C10orf143: variants seen among roughly 807,000 people sequenced by gnomAD.
C10orf143 encodes the protein chromosome 10 open reading frame 143.
At chr10:130,037,334 C>T (rs1860555811) in intron 3 of C10orf143, among the ~76,000 whole-genome samples, 1 of 152,218 alleles carries the variant, frequency 6.6e-6, no homozygotes, top group Non-Finnish European at 1.5e-5. Flanking sequence ...TTACTTACCC[C>T]AGTAACACTG....
intron 3 of C10orf143, among the ~76,000 whole-genome samples, chr10:130,048,450 C>A (rs1245528729): frequency 1.3e-5 from 2 of 152,170 alleles, no homozygotes; most frequent in Non-Finnish European, 2.9e-5. Context: ...TGGCTGGATA[C>A]ACACTCGCCT....
At chr10:130,088,376 C>T (rs1861326985) in intron 1 of C10orf143, among the ~76,000 whole-genome samples, 2 of 152,010 alleles carry the variant, frequency 1.3e-5, no homozygotes, top group African/African-American at 4.8e-5. Flanking sequence ...AAGAGCGAAA[C>T]TCCATTTCAA....
At chr10:130,106,998 C>G (rs1861661108) in intron 1 of C10orf143, 1 of 1,106,236 alleles carries the variant, frequency 9.0e-7, no homozygotes, top group Non-Finnish European at 1.4e-6. Flanking sequence ...ATTCATGCTA[C>G]TAAGTTAAAT....
chr10:130,044,336 T>C (rs1335193150), intron 3 of C10orf143, among the ~76,000 whole-genome samples: 1 of 152,122 alleles, frequency 6.6e-6, no homozygotes, highest in African/African-American at 2.4e-5. Flanking sequence ...CGGATGTGGC[T>C]GGAGGAGGAA....
chr10:130,097,673 T>C (rs1031009436), intron 1 of C10orf143, among the ~76,000 whole-genome samples: 1 of 152,142 alleles, frequency 6.6e-6, no homozygotes, highest in Non-Finnish European at 1.5e-5. Flanking sequence ...ATAACCAAAA[T>C]GAATGGATAA....
chr10:130,051,571 A>G (rs1188849588), intron 3 of C10orf143, among the ~76,000 whole-genome samples: 1 of 8,284 alleles, frequency 1.2e-4, no homozygotes, highest in Admixed American at 1.5e-3. Flanking sequence ...TCCCGCCCCC[A>G]CCTAGTTAAG....
intron 3 of C10orf143, among the ~76,000 whole-genome samples, chr10:130,057,657 G>C (rs1860810804): frequency 6.6e-6 from 1 of 152,182 alleles, no homozygotes; most frequent in South Asian, 2.1e-4. Flanking sequence ...CTTCACAACA[G>C]GGTCAGCATG....
chr10:130,108,201 C>T lies in C10orf143; in HGVS notation c.69+2503G>A, dbSNP rs552668092. 208 of 1,561,540 alleles carry T rather than the reference C, an allele frequency of 1.3e-4. 1 individual carries two copies. In the African/African-American group the frequency reaches 2.4e-3, roughly 18 times the overall value. ...ATGAGAAGAGCACCTCCTTTCCCCC[C>T]ACCTCCTCCAGGAACCAGGTTTGGA... On this transcript the variant is annotated intron_variant, in intron 1 of 3. Transcript: ENST00000637128.
intron 3 of C10orf143, among the ~76,000 whole-genome samples, chr10:130,072,481 G>A (rs865942085): frequency 6.6e-6 from 1 of 151,952 alleles, no homozygotes; most frequent in Admixed American, 6.6e-5. Context: ...GATTTATCCA[G>A]CTCTATCTTC....
chr10:130,098,343 ACT>A (rs942973772), intron 1 of C10orf143, among the ~76,000 whole-genome samples: 4 of 152,166 alleles, frequency 2.6e-5, no homozygotes, highest in Non-Finnish European at 4.4e-5. Context: ...AACAAAAAAA[ACT>A]CTAAACCTAA....
rs549879309 is a variant in C10orf143 at position 130,046,893 on chromosome 10, G to C, written c.298-10923C>G. Among the ~76,000 whole-genome samples the C allele has an allele frequency of 2.0e-5, 3 of 152,356 alleles. No homozygotes were observed. The East Asian group carries it at 5.8e-4, about 29-fold the overall frequency. ...GACCTTTCTGGGGGTGACAGAGTGG[G>C]GAAGTGGGCAGTGTGAGCCCACCCC... is the stretch of plus-strand genomic sequence containing the variant. On this transcript the variant is annotated intron_variant and NMD_transcript_variant, in intron 3 of 5. Transcript: ENST00000643056.
chr10:130,083,478 T>C (rs1361102310), intron 1 of C10orf143, among the ~76,000 whole-genome samples: 1 of 152,208 alleles, frequency 6.6e-6, no homozygotes, highest in Non-Finnish European at 1.5e-5. Flanking sequence ...TGCAATATAT[T>C]GGAAACAACC....
intron 3 of C10orf143, among the ~76,000 whole-genome samples, chr10:130,045,830 A>T (rs1189810024): frequency 6.6e-6 from 1 of 151,856 alleles, no homozygotes; most frequent in Non-Finnish European, 1.5e-5. Context: ...TGTGGCTTCC[A>T]CTCCCAGGAA....
At chr10:130,105,699 C>CGGCCTGGGCGACAA (rs989510677) in intron 1 of C10orf143, among the ~76,000 whole-genome samples, 31 of 152,156 alleles carry the variant, frequency 2.0e-4, no homozygotes, top group Non-Finnish European at 4.1e-4. Context: ...CACTGCACTC[C>CGGCCTGGGCGACAA]GGCCTGGGCG....
intron 1 of C10orf143, among the ~76,000 whole-genome samples, chr10:130,087,244 T>C (rs1463138197): frequency 6.6e-6 from 1 of 152,186 alleles, no homozygotes; most frequent in Non-Finnish European, 1.5e-5. Context: ...CACAGAGGCA[T>C]TTACATCTGG....
chr10:130,078,134 C>G (rs1409929448), intron 3 of C10orf143, among the ~76,000 whole-genome samples: 5 of 152,148 alleles, frequency 3.3e-5, no homozygotes, highest in Admixed American at 2.0e-4. Context: ...AGGAAAAACC[C>G]TAATCAAATA....
intron 3 of C10orf143, among the ~76,000 whole-genome samples, chr10:130,039,827 G>C (rs548320911): frequency 2.6e-5 from 4 of 152,238 alleles, no homozygotes; most frequent in African/African-American, 9.6e-5. Context: ...TACTGTGGAT[G>C]ACTCTGAGGA....
In C10orf143 at chr10:130,110,684, C is replaced by T. The variant is rs1861752684; in HGVS notation, c.69+20G>A. 1 of 398,694 alleles carries T rather than the reference C, an allele frequency of 2.5e-6. No individual in the cohort carries two copies. Among genetic ancestry groups the T allele is most frequent in the Admixed American group, 4.4e-5 (1 of 22,720 alleles). 24.7% of individuals were successfully genotyped at this position (398,694 alleles called of 1,614,324 possible). On this transcript the variant is annotated intron_variant, in intron 1 of 3. Coordinates refer to ENST00000637128, the MANE Select transcript of C10orf143 (RefSeq NM_001355042.2). ...GCCATCCGCCCTCCCGTCCCTAACG[C>T]CCAGGCCCCGGGGGCTCACCACGTC... is the stretch of plus-strand genomic sequence containing the variant.
rs916981629 is a variant in C10orf143, at chr10:130,070,319, C to T, written c.298-5936G>A. Among the ~76,000 whole-genome samples, 6 of 152,170 alleles carry T rather than the reference C, an allele frequency of 3.9e-5. No individual in the cohort carries two copies. In the South Asian group the frequency reaches 1.0e-3, roughly 26 times the overall value. ...AGAGGAACCCCACTGCAGTGGCCAT[C>T]GCACCCCCGGACCTGGTGCAGCCTG... On this transcript the variant is annotated intron_variant, in intron 3 of 3. Coordinates refer to ENST00000637128, the MANE Select transcript of C10orf143 (RefSeq NM_001355042.2).
Sources: allele counts gnomAD v4.1 joint callset (sites outside exome capture counted in the v4.1 genomes callset), GRCh38; gene constraint gnomAD v4.1.1; transcripts MANE v1.5; gene names NCBI Gene and HGNC (gene_info 2026-07-23, HGNC 2026-07-21).